Variants in KLF13 observed in about 807,000 individuals in gnomAD.
KLF13 encodes KLF transcription factor 13.
KLF13 carries 8 observed loss-of-function variants against 16.7 expected under a neutral mutation model. That is an observed-to-expected ratio of 0.48 (90% confidence interval 0.28 to 0.87). The LOEUF (loss-of-function observed/expected upper bound fraction) is 0.87. KLF13 is among the 40% of genes least tolerant of loss of function. The probability of loss-of-function intolerance (pLI) is 0.10; values close to 1 mark genes in which losing one functional copy is unlikely to be tolerated. For synonymous variants in KLF13, 245 were observed against 208.4 expected (o/e 1.18, Z -1.51); for missense variants, 447 against 452.2 (o/e 0.99, Z 0.10).
At position 31,412,420 on chromosome 15, in the gene KLF13, T is replaced by A. The variant is rs150596935; in HGVS notation, n.117+18729T>A. On this transcript the variant is annotated intron_variant and non_coding_transcript_variant, in intron 1 of 1. Transcript: ENST00000558225. ...GTAGTTTGTAAAGGAATAATTTGCC[T>A]CTAGTAACAGATGACATGATTGTAC... Among the ~76,000 whole-genome samples the A allele has an allele frequency of 1.6e-3, 245 of 151,964 alleles. 1 individual carries two copies. Among genetic ancestry groups the A allele is most frequent in the Non-Finnish European group, 2.3e-3 (154 of 67,978 alleles).
chr15:31,357,496 C>T (rs189031496), intron 1 of KLF13, among the ~76,000 whole-genome samples: 22 of 152,334 alleles, frequency 1.4e-4, no homozygotes, highest in African/African-American at 4.6e-4. Context: ...CATCTCCTTC[C>T]GGGTTTTCCC....
chr15:31,394,348 G>C (rs1448560718), intron 2 of KLF13, among the ~76,000 whole-genome samples: 1 of 152,026 alleles, frequency 6.6e-6, no homozygotes, highest in Non-Finnish European at 1.5e-5. Flanking sequence ...TTAGCCTGGC[G>C]TGGTGGCGGG....
chr15:31,431,927 A>C (rs2040477227), intron 1 of KLF13, among the ~76,000 whole-genome samples: 1 of 151,712 alleles, frequency 6.6e-6, no homozygotes. Context: ...GGAAGGAAGG[A>C]AGTGTTGACT....
At chr15:31,338,117 C>T (rs1400252932) in intron 1 of KLF13, among the ~76,000 whole-genome samples, 1 of 152,180 alleles carries the variant, frequency 6.6e-6, no homozygotes, top group Admixed American at 6.5e-5. Context: ...CTGGGTAGTA[C>T]ACTTCAGCAG....
chr15:31,327,535 C>A lies in KLF13; in HGVS notation c.323C>A (p.Pro108His). Residue 108 changes from proline (P) to histidine (H), a missense_variant, in exon 1 of 2, where the codon CCC becomes CAC. Pro to His is a moderately conservative substitution (Grantham distance 77). Coordinates refer to ENST00000307145, the MANE Select transcript of KLF13 (RefSeq NM_015995.4). ...LPPPAPEPTS[P>H]GAEGAAAAPP... ...CCGCCCGCCCCCGAGCCCACCTCCC[C>A]CGGCGCCGAAGGCGCGGCGGCCGCG... is the stretch of plus-strand genomic sequence containing the variant. 1 of 1,114,486 alleles carries A rather than the reference C, an allele frequency of 9.0e-7. No homozygotes were observed. The highest frequency in any genetic ancestry group is 4.3e-5 in the South Asian group (1 of 23,312). 69.0% of individuals were successfully genotyped at this position (1,114,486 alleles called of 1,614,324 possible). A position where few individuals can be genotyped will look rare whatever the true frequency, so the allele number is the denominator to read the frequency against.
At chr15:31,418,274 C>T (rs553438805) in intron 1 of KLF13, among the ~76,000 whole-genome samples, 78 of 151,794 alleles carry the variant, frequency 5.1e-4, no homozygotes, top group African/African-American at 1.4e-3. Flanking sequence ...GCTGAAAGAG[C>T]GATTATCTAT....
upstream of KLF13, among the ~76,000 whole-genome samples, chr15:31,388,778 A>C (rs1209631851): frequency 2.7e-5 from 4 of 150,630 alleles, no homozygotes; most frequent in African/African-American, 4.9e-5. Context: ...AAAAAAAAAA[A>C]AAAAAAAACT....
intron 2 of KLF13, among the ~76,000 whole-genome samples, chr15:31,401,517 C>A (rs2040036536): frequency 1.3e-5 from 2 of 152,202 alleles, no homozygotes; most frequent in Admixed American, 1.3e-4. Context: ...TGCATCCCGC[C>A]CTCTGGGCAC....
At chr15:31,411,802 C>T (rs1409027127) in intron 1 of KLF13, among the ~76,000 whole-genome samples, 1 of 152,116 alleles carries the variant, frequency 6.6e-6, no homozygotes. Flanking sequence ...AAAATAAACT[C>T]TCAATCCAAT....
intron 1 of KLF13, among the ~76,000 whole-genome samples, chr15:31,413,612 C>T (rs917407732): frequency 8.5e-5 from 13 of 152,104 alleles, no homozygotes; most frequent in Admixed American, 2.6e-4. Flanking sequence ...ATCCTATATA[C>T]ATCACAGCTA....
intron 2 of KLF13, among the ~76,000 whole-genome samples, chr15:31,400,427 G>A (rs2040017980): frequency 6.6e-6 from 1 of 152,098 alleles, no homozygotes; most frequent in Non-Finnish European, 1.5e-5. Flanking sequence ...GTCTCCATGA[G>A]TGGATGACAT....
intron 1 of KLF13, among the ~76,000 whole-genome samples, chr15:31,365,891 C>T (rs1319007017): frequency 6.6e-6 from 1 of 152,288 alleles, no homozygotes; most frequent in Non-Finnish European, 1.5e-5. Context: ...CTGCGCCCCC[C>T]TTCCGGCTGG....
intron 1 of KLF13, among the ~76,000 whole-genome samples, chr15:31,333,624 C>T (rs1340201787): frequency 6.6e-6 from 1 of 151,956 alleles, no homozygotes; most frequent in East Asian, 1.9e-4. Context: ...TTCCATCTCG[C>T]CTCTCTCTTT....
intron 1 of KLF13, among the ~76,000 whole-genome samples, chr15:31,346,856 CTG>C (rs1166555060): frequency 2.6e-5 from 4 of 152,220 alleles, no homozygotes; most frequent in Non-Finnish European, 4.4e-5. Flanking sequence ...CTGCACCCCT[CTG>C]TGCTGGCGGC....
chr15:31,338,186 T>A lies in KLF13; in HGVS notation c.577+10397T>A, dbSNP rs182024504. ...CACTCACTTTAGCCTTTGAGAAATT[T>A]CAAAGTTTGTTTCCCTGATCTTCCT... On this transcript the variant is annotated intron_variant, in intron 1 of 1. Coordinates refer to ENST00000307145, the MANE Select transcript of KLF13 (RefSeq NM_015995.4). 1.7e-3 allele frequency among the ~76,000 whole-genome samples: 265 copies of A among 152,354 alleles called. 2 individuals carry two copies. The highest frequency in any genetic ancestry group is 6.0e-3 in the African/African-American group (250 of 41,574).
chr15:31,392,408 C>CTGAG (rs2039884437), upstream of KLF13, among the ~76,000 whole-genome samples: 1 of 152,198 alleles, frequency 6.6e-6, no homozygotes, highest in African/African-American at 2.4e-5. Flanking sequence ...GGCGGCGGTG[C>CTGAG]TGAGCCTCGA....
exon 2 of KLF13, chr15:31,393,607 G>A (rs1017937745): frequency 1.3e-5 from 2 of 152,408 alleles, no homozygotes; most frequent in African/African-American, 4.8e-5. Flanking sequence ...TGCGGTCGCA[G>A]CTGCAGCCGC....
intron 1 of KLF13, among the ~76,000 whole-genome samples, chr15:31,363,550 GATCTCAGCTC>G (rs1566818034): frequency 7.2e-5 from 11 of 152,116 alleles, no homozygotes. Flanking sequence ...TCAGTGGTGT[GATCTCAGCTC>G]ACTGCAACCT....
intron 1 of KLF13, among the ~76,000 whole-genome samples, chr15:31,328,358 C>T (rs546741266): frequency 6.6e-6 from 1 of 151,980 alleles, no homozygotes; most frequent in Admixed American, 6.5e-5. Context: ...TTTTCCAGCG[C>T]TCTAAGGTTT....
Sources: allele counts gnomAD v4.1 joint callset (sites outside exome capture counted in the v4.1 genomes callset), GRCh38; gene constraint gnomAD v4.1.1; transcripts MANE v1.5; gene names NCBI Gene and HGNC (gene_info 2026-07-23, HGNC 2026-07-21).